Variants in VASH1 observed in about 807,000 individuals in gnomAD.
The protein encoded by VASH1 is vasohibin 1, also known as tubulinyl-Tyr carboxypeptidase 1.
In VASH1, 16 loss-of-function variants were observed where a neutral mutation model predicts 35.0. The observed-to-expected ratio is 0.46, with a 90% CI of 0.31 to 0.70. The LOEUF (loss-of-function observed/expected upper bound fraction) is 0.70, where lower values mean the gene tolerates loss of function less well. Among genes scored for constraint, VASH1 ranks in the 30% least tolerant of loss-of-function variants. VASH1 has a pLI of 0.05. For missense variants in VASH1, 505 were observed against 510.7 expected (o/e 0.99, Z 0.11); for synonymous variants, 214 against 200.9 (o/e 1.07, Z -0.55).
Position 76,775,985 on chromosome 14 carries a change from G to A in VASH1, c.624G>A (p.Gly208=). Residue 208 remains glycine (G), a synonymous_variant, in exon 5 of 7, where the codon GGG becomes GGA. Transcript: ENST00000167106. The part of the protein sequence containing the change: ...SGNYFRHIVL[G]VNFAGRYGAL... Reference sequence around the variant, plus strand: ...ACTACTTCCGCCACATCGTGCTGGGGGTGAACTTCGCGGGCCGCTACGGTG... The same window carrying A: ...ACTACTTCCGCCACATCGTGCTGGGAGTGAACTTCGCGGGCCGCTACGGTG... 1 of 1,612,580 alleles carries A rather than the reference G, an allele frequency of 6.2e-7. No individual in the cohort carries two copies. Among genetic ancestry groups the A allele is most frequent in the South Asian group, 1.1e-5 (1 of 90,742 alleles).
chr14:76,773,383 A>C, intron 4 of VASH1, 172 bp downstream of exon 4: 1 of 634,874 alleles, frequency 1.6e-6, no homozygotes, highest in Non-Finnish European at 2.7e-6. Flanking sequence ...ACCCCCCAAA[A>C]TGGAGGAGCC....
rs1169538871 is a variant in VASH1 at position 76,762,105 on chromosome 14, G to A, written c.-717G>A. The A allele has an allele frequency of 6.6e-6, 1 of 152,348 alleles. No individual in the cohort carries two copies. The highest frequency in any genetic ancestry group is 2.4e-5 in the African/African-American group (1 of 41,466). 9.4% of individuals were successfully genotyped at this position (152,348 alleles called of 1,614,324 possible). On this transcript the variant is annotated 5_prime_UTR_variant, in exon 1 of 7. Coordinates refer to ENST00000167106, the MANE Select transcript of VASH1 (RefSeq NM_014909.5). The stretch of plus-strand genomic sequence containing the variant: ...CCGCCGCTGTTTCTGGGGACGAGGG[G>A]ACAGGGGACCCAGACAAAGCCCACT...
intron 3 of VASH1, among the ~76,000 whole-genome samples, chr14:76,771,795 CG>C (rs1440674250): frequency 6.6e-6 from 1 of 151,882 alleles, no homozygotes; most frequent in Non-Finnish European, 1.5e-5. Flanking sequence ...CCCGCCACCC[CG>C]TGTGTAGCCC....
chr14:76,770,918 G>A (rs1420876715), intron 2 of VASH1, among the ~76,000 whole-genome samples: 1 of 152,260 alleles, frequency 6.6e-6, no homozygotes, highest in Non-Finnish European at 1.5e-5. Context: ...GTAGGGCGCT[G>A]TTCCCAGCCA....
chr14:76,762,158 G>C lies in VASH1; in HGVS notation c.-664G>C, dbSNP rs906013652. 1 of 152,188 alleles carries C rather than the reference G, an allele frequency of 6.6e-6. No individual in the cohort carries two copies. Among genetic ancestry groups the C allele is most frequent in the African/African-American group, 2.4e-5 (1 of 41,448 alleles). The allele number at this position is 152,188 out of a possible 1,614,324, so 9.4% of individuals were successfully genotyped here. A position where few individuals can be genotyped will look rare whatever the true frequency, so the allele number is the denominator to read the frequency against. On this transcript the variant is annotated 5_prime_UTR_variant, in exon 1 of 7. Transcript: ENST00000167106. ...GTGCAGGGAGTTGGCCGCAGGCGGG[G>C]AATGTGCGCGTCGGCGCGCGCCCCC...
intron 4 of VASH1, chr14:76,774,655 A>G (rs528256704): frequency 1.2e-4 from 19 of 152,296 alleles, no homozygotes; most frequent in African/African-American, 4.6e-4. Flanking sequence ...CGTGGTTCTC[A>G]CGTCTTGTCC....
intron 1 of VASH1, among the ~76,000 whole-genome samples, chr14:76,764,571 G>T (rs1269819422): frequency 6.6e-6 from 1 of 152,094 alleles, no homozygotes; most frequent in African/African-American, 2.4e-5. Context: ...TTGAGATGCA[G>T]TTTTCTTATC....
At chr14:76,771,363 C>T in intron 3 of VASH1, 117 bp downstream of exon 3, 2 of 1,045,020 alleles carry the variant, frequency 1.9e-6, no homozygotes, top group Non-Finnish European at 2.5e-6. Context: ...CTGAAGGAAG[C>T]CAGCCTTTGG....
At position 76,779,259 on chromosome 14, in the gene VASH1, A is replaced by G. The variant is rs1354484020; in HGVS notation, c.*241A>G. On this transcript the variant is annotated 3_prime_UTR_variant, in exon 7 of 7. Coordinates refer to ENST00000167106, the MANE Select transcript of VASH1 (RefSeq NM_014909.5). ...GTTTTTAACTCTACAACTGAAGTTTAAGGTATTTGGGGAAAACTTAGTCCA... is the reference window on the plus strand; with the variant it reads ...GTTTTTAACTCTACAACTGAAGTTTGAGGTATTTGGGGAAAACTTAGTCCA... 1 of 700,370 alleles carries G rather than the reference A, an allele frequency of 1.4e-6. No individual in the cohort carries two copies. 43.4% of individuals were successfully genotyped at this position (700,370 alleles called of 1,614,324 possible). A position where few individuals can be genotyped will look rare whatever the true frequency, so the allele number is the denominator to read the frequency against.
At chr14:76,769,554 G>A in intron 1 of VASH1, 1 of 1,182,518 alleles carries the variant, frequency 8.5e-7, no homozygotes, top group Non-Finnish European at 1.1e-6. Context: ...TGGGACCCCG[G>A]ATATACCAGC....
At position 76,770,014 on chromosome 14, in the gene VASH1, C is replaced by T. The variant is rs145801473; in HGVS notation, c.361C>T (p.Arg121Cys). 32 of 1,613,982 alleles carry T rather than the reference C, an allele frequency of 2.0e-5. No individual in the cohort carries two copies. The highest frequency in any genetic ancestry group is 6.7e-5 in the East Asian group (3 of 44,884). The change falls in exon 2 of 7, where the codon CGC (arginine) becomes TGC (cysteine). Residue 121 changes from arginine (R) to cysteine (C), a missense_variant. Coordinates refer to ENST00000167106, the MANE Select transcript of VASH1 (RefSeq NM_014909.5). ...CCAGCCGTCTACACCTGTCCCTGAG[C>T]GCCTGGAAGCTGTGCAGCGCTACAT... is the stretch of plus-strand genomic sequence containing the variant. ...TFQPSTPVPE[R>C]LEAVQRYIRE...
intron 5 of VASH1, 56 bp downstream of exon 5, chr14:76,776,329 A>G (rs1243246747): frequency 4.7e-6 from 7 of 1,477,010 alleles, no homozygotes; most frequent in Non-Finnish European, 6.3e-6. Context: ...CCGCCCCAGC[A>G]GAGGCGATGT....
At position 76,761,502 on chromosome 14, in the gene VASH1, G is replaced by T; in HGVS notation, c.-1320G>T. On this transcript the variant is annotated 5_prime_UTR_variant, in exon 1 of 7. Transcript: ENST00000167106. The stretch of plus-strand genomic sequence containing the variant: ...AGTCGAGCCTGGTGGGCGGCTGGCT[G>T]GCAGGGGACGTGGTCGGCGGCAGCG... 6.5e-6 allele frequency: 1 copy of T among 153,010 alleles called. No homozygotes were observed. The highest frequency in any genetic ancestry group is 1.9e-4 in the South Asian group (1 of 5,378). The allele number at this position is 153,010 out of a possible 1,614,324, so 9.5% of individuals were successfully genotyped here. A position where few individuals can be genotyped will look rare whatever the true frequency, so the allele number is the denominator to read the frequency against.
chr14:76,778,312 T>C (rs143992139), intron 6 of VASH1, among the ~76,000 whole-genome samples: 2 of 152,224 alleles, frequency 1.3e-5, no homozygotes, highest in Non-Finnish European at 2.9e-5. Context: ...GCATGGGTTA[T>C]GTGAGAGAAA....
At position 76,779,607 on chromosome 14, in the gene VASH1, A is replaced by T. The variant is rs1566688888; in HGVS notation, c.*589A>T. 1.1e-5 allele frequency: 7 copies of T among 622,638 alleles called. No homozygotes were observed. The East Asian group carries it at 1.9e-4, about 17-fold the overall frequency. 38.6% of individuals were successfully genotyped at this position (622,638 alleles called of 1,614,324 possible). A position where few individuals can be genotyped will look rare whatever the true frequency, so the allele number is the denominator to read the frequency against. Reference sequence around the variant, plus strand: ...CACAGGCCACATCTGCCCCAAGAGCATGAGCTCGTGGCTCAGGAGAGCCTT... The same window carrying T: ...CACAGGCCACATCTGCCCCAAGAGCTTGAGCTCGTGGCTCAGGAGAGCCTT... On this transcript the variant is annotated 3_prime_UTR_variant, in exon 7 of 7. Transcript: ENST00000167106.
rs1425997198 is a variant in VASH1, at chr14:76,779,549, A to C, written c.*531A>C. The C allele has an allele frequency of 2.9e-6, 2 of 689,174 alleles. No individual in the cohort carries two copies. The highest frequency in any genetic ancestry group is 4.1e-5 in the Admixed American group (2 of 49,150). The allele number at this position is 689,174 out of a possible 1,614,324, so 42.7% of individuals were successfully genotyped here. On this transcript the variant is annotated 3_prime_UTR_variant, in exon 7 of 7. Coordinates refer to ENST00000167106, the MANE Select transcript of VASH1 (RefSeq NM_014909.5). ...AAGCAGGGTAGGAGTCCTTCTGAGAAAGGTCTGTGTAGCCCATTAACCAGG... is the reference window on the plus strand; with the variant it reads ...AAGCAGGGTAGGAGTCCTTCTGAGACAGGTCTGTGTAGCCCATTAACCAGG...
intron 1 of VASH1, 100 bp from the exon 2 acceptor site, chr14:76,769,863 C>T: frequency 8.0e-7 from 1 of 1,254,538 alleles, no homozygotes; most frequent in Non-Finnish European, 1.1e-6. Context: ...CTGTGCCTCC[C>T]CAGGGTGGGG....
At chr14:76,777,876 C>T (rs943674542) in intron 5 of VASH1, 83 bp from the exon 6 acceptor site, 64 of 1,114,152 alleles carry the variant, frequency 5.7e-5, no homozygotes, top group Non-Finnish European at 7.2e-5. Context: ...GGGCAGCCTC[C>T]AGGGACCTGT....
At position 76,779,858 on chromosome 14, in the gene VASH1, A is replaced by G. The variant is rs1595282114; in HGVS notation, c.*840A>G. On this transcript the variant is annotated 3_prime_UTR_variant, in exon 7 of 7. Transcript: ENST00000167106. ...GAGGCCAGCATGGCTGTGGGAGTTG[A>G]GCAAACCCTGGGTGCCAGTCCAGGA... is the stretch of plus-strand genomic sequence containing the variant. The G allele has an allele frequency of 8.6e-6, 3 of 347,818 alleles. No homozygotes were observed. The highest frequency in any genetic ancestry group is 4.4e-5 in the Admixed American group (1 of 22,926). The allele number at this position is 347,818 out of a possible 1,614,324, so 21.5% of individuals were successfully genotyped here.
Sources: gnomAD v4.1 joint callset for allele counts (sites outside exome capture counted in the v4.1 genomes callset) on GRCh38, gnomAD v4.1.1 for gene constraint, MANE v1.5 for transcripts, NCBI Gene and HGNC (gene_info 2026-07-23, HGNC 2026-07-21) for gene names.